HGS: variants seen among roughly 807,000 people sequenced by gnomAD.
HGS encodes the protein hepatocyte growth factor-regulated tyrosine kinase substrate.
A neutral mutation model predicts 109.7 loss-of-function variants in HGS; 63 were observed. The ratio of observed to expected loss-of-function variants is 0.57; its 90% CI spans 0.47 to 0.71. The LOEUF (loss-of-function observed/expected upper bound fraction) is 0.71, where lower values mean the gene tolerates loss of function less well. HGS is among the 30% of genes least tolerant of loss of function. The pLI is 0.00. For synonymous variants in HGS, 546 were observed against 437.3 expected, an observed-to-expected ratio of 1.25 and a Z score of -3.10; for missense variants, 995 against 1,068.3, an observed-to-expected ratio of 0.93 and a Z score of 0.96.
rs1417358154 is a variant in HGS, at chr17:81,696,529, G to T, written c.1566G>T (p.Gln522His). 6.5e-7 allele frequency: 1 copy of T among 1,531,654 alleles called. No individual in the cohort carries two copies. Among genetic ancestry groups the T allele is most frequent in the Non-Finnish European group, 8.8e-7 (1 of 1,137,084 alleles). The allele number at this position is 1,531,654 out of a possible 1,614,324, so 94.9% of individuals were successfully genotyped here. A position where few individuals can be genotyped will look rare whatever the true frequency, so the allele number is the denominator to read the frequency against. The change falls in exon 16 of 22, where the codon CAG becomes CAT. Residue 522 changes from glutamine to histidine, a missense_variant and splice_region_variant. Around this residue, in one of 6 missense-constraint regions of HGS, gnomAD observed 163 missense variants for 217.8 expected, o/e 0.75. Transcript: ENST00000329138. ...QKLEIMRQKK[Q>H]EYLEVQRQLA... ...TGGAGATAATGCGGCAGAAGAAGCA[G>T]GTGCAGTGGCTGCCCAGCCACAGGC...
Position 81,686,346 on chromosome 17 carries a change from G to A in HGS, c.157G>A (p.Val53Ile), listed in dbSNP as rs1445018227. ...TGCTGTGAATTCCATCAAGAAGAAA[G>A]TCAACGACAAGAACCCACACGTCGC... is the stretch of plus-strand genomic sequence containing the variant. The part of the protein sequence containing the change: ...KYAVNSIKKK[V>I]NDKNPHVALY... Residue 53 changes from valine (V) to isoleucine (I), a missense_variant, in exon 3 of 22, where the codon GTC (valine) becomes ATC (isoleucine). Physicochemically the swap from Val to Ile is conservative, Grantham distance 29. This residue lies in a region of HGS where 182 missense variants were observed against 261.3 expected (regional missense o/e 0.70). Coordinates refer to ENST00000329138, the MANE Select transcript of HGS (RefSeq NM_004712.5). The A allele has an allele frequency of 5.0e-6, 8 of 1,613,714 alleles. No individual in the cohort carries two copies. Among genetic ancestry groups the A allele is most frequent in the Non-Finnish European group, 6.8e-6 (8 of 1,179,992 alleles).
intron 4 of HGS, among the ~76,000 whole-genome samples, chr17:81,687,876 G>A (rs1157906934): frequency 2.0e-5 from 3 of 152,228 alleles, no homozygotes; most frequent in Non-Finnish European, 2.9e-5. Context: ...CCTCTCAAAG[G>A]CCCTCACTGG....
intron 18 of HGS, chr17:81,698,501 T>A (rs1051260727): frequency 6.6e-6 from 1 of 152,090 alleles, no homozygotes; most frequent in African/African-American, 2.4e-5. Flanking sequence ...GTAGGGCCAT[T>A]GGTTTGGGTT....
In HGS at chr17:81,691,045, G is replaced by A. The variant is rs1219093245; in HGVS notation, c.537+303G>A. 6.6e-6 allele frequency among the ~76,000 whole-genome samples: 1 copy of A among 152,168 alleles called. No homozygotes were observed. Among genetic ancestry groups the A allele is most frequent in the Non-Finnish European group, 1.5e-5 (1 of 68,028 alleles). On this transcript the variant is annotated intron_variant, in intron 7 of 21. Transcript: ENST00000329138. The surrounding 1 kb of genome is among the most constrained non-coding windows in gnomAD (Gnocchi z 5.3). Reference sequence around the variant, plus strand: ...AGGGCCGTGGGGCCCCCTTCTCTTTGTGGCTTAGCCCATCTGGATTCTTAC... The same window carrying A: ...AGGGCCGTGGGGCCCCCTTCTCTTTATGGCTTAGCCCATCTGGATTCTTAC...
Position 81,690,183 on chromosome 17 carries a change from G to C in HGS, c.417G>C (p.Gly139=). Residue 139 remains glycine (G), a splice_region_variant and synonymous_variant, in exon 6 of 22, where the codon GGG becomes GGC. Coordinates refer to ENST00000329138, the MANE Select transcript of HGS (RefSeq NM_004712.5). Reference sequence around the variant, plus strand: ...GTGACTATGGCTTCATCTCTCCAGGGCACGTCTTTCCAGAATTCAAAGAGA... The same window carrying C: ...GTGACTATGGCTTCATCTCTCCAGGCCACGTCTTTCCAGAATTCAAAGAGA... The part of the protein sequence containing the change: ...QDTYQIMKVE[G]HVFPEFKESD... 6.2e-7 allele frequency: 1 copy of C among 1,613,726 alleles called. No homozygotes were observed. Among genetic ancestry groups the C allele is most frequent in the Non-Finnish European group, 8.5e-7 (1 of 1,179,722 alleles).
intron 15 of HGS, 37 bp from the exon 16 acceptor site, chr17:81,696,319 GC>G: frequency 6.6e-7 from 1 of 1,507,606 alleles, no homozygotes; most frequent in Non-Finnish European, 8.8e-7. Context: ...TCGGCACTGT[GC>G]CGGAGTGGTC....
At chr17:81,700,368 A>G in intron 18 of HGS, 99 bp from the exon 19 acceptor site, 1 of 181,242 alleles carries the variant, frequency 5.5e-6, no homozygotes, top group Non-Finnish European at 9.8e-6. Flanking sequence ...ACTCCATCTC[A>G]AAAAAAAAAA....
intron 1 of HGS, 115 bp downstream of exon 1, chr17:81,684,218 C>A (rs1159248830): frequency 2.1e-6 from 2 of 968,742 alleles, no homozygotes; most frequent in Non-Finnish European, 2.8e-6. Context: ...CTGCCCGCCT[C>A]TCCCCGGCCC....
intron 5 of HGS, 33 bp downstream of exon 5, chr17:81,688,860 G>A (rs2037022698): frequency 6.2e-7 from 1 of 1,613,614 alleles, no homozygotes; most frequent in African/African-American, 1.3e-5. Context: ...ACCAGGTTGA[G>A]GCTTGGAACT....
At chr17:81,694,012 G>C in intron 11 of HGS, 47 bp downstream of exon 11, 1 of 1,510,052 alleles carries the variant, frequency 6.6e-7, no homozygotes, top group South Asian at 1.2e-5. Context: ...AGGCAGTAGG[G>C]TTGATGGGGG....
chr17:81,701,721 G>T lies in HGS; in HGVS notation c.*103G>T. On this transcript the variant is annotated 3_prime_UTR_variant, in exon 22 of 22. Coordinates refer to ENST00000329138, the MANE Select transcript of HGS (RefSeq NM_004712.5). ...GCCTCCCTGTCCTCTACTGCCGGTA[G>T]TGTCCCTTCTCTGCGAGTGAGGGGG... is the stretch of plus-strand genomic sequence containing the variant. 1.4e-6 allele frequency: 2 copies of T among 1,456,068 alleles called. No homozygotes were observed. The highest frequency in any genetic ancestry group is 2.8e-5 in the African/African-American group (2 of 71,344). 90.2% of individuals were successfully genotyped at this position (1,456,068 alleles called of 1,614,324 possible).
chr17:81,693,549 T>C lies in HGS; in HGVS notation c.709T>C (p.Tyr237His), dbSNP rs769179862. The C allele has an allele frequency of 1.1e-5, 18 of 1,611,480 alleles. No homozygotes were observed. The highest frequency in any genetic ancestry group is 1.6e-4 in the Middle Eastern group (1 of 6,062). ...ATSTTELPPEYLTSPLSQQSQ... is the reference protein window; with the variant it reads ...ATSTTELPPEHLTSPLSQQSQ... ...TTCCACCACTGAGCTGCCCCCCGAG[T>C]ACCTGACCAGCCCCCTGTCTCAGCA... The change falls in exon 9 of 22, where the codon TAC (tyrosine) becomes CAC (histidine). Residue 237 changes from tyrosine (Y) to histidine (H), a missense_variant. Tyr to His is a moderately conservative substitution (Grantham distance 83). Coordinates refer to ENST00000329138, the MANE Select transcript of HGS (RefSeq NM_004712.5).
At chr17:81,685,324 C>G (rs1007248766) in intron 1 of HGS, among the ~76,000 whole-genome samples, 1 of 152,188 alleles carries the variant, frequency 6.6e-6, no homozygotes, top group African/African-American at 2.4e-5. Flanking sequence ...TGACTCACGG[C>G]AGTGCCCTCG....
At position 81,686,267 on chromosome 17, in the gene HGS, T is replaced by C. The variant is rs374471960; in HGVS notation, c.123-45T>C. The stretch of plus-strand genomic sequence containing the variant: ...TTTCTCATCTTAGTTGCTGAGACTA[T>C]TTTTTTCCCGTTTTTCTCTGCTTTT... On this transcript the variant is annotated intron_variant, in intron 2 of 21. Transcript: ENST00000329138. 200 of 1,518,008 alleles carry C rather than the reference T, an allele frequency of 1.3e-4. 2 individuals carry two copies. In the South Asian group the frequency reaches 2.2e-3, roughly 16 times the overall value. 94.0% of individuals were successfully genotyped at this position (1,518,008 alleles called of 1,614,324 possible). A position where few individuals can be genotyped will look rare whatever the true frequency, so the allele number is the denominator to read the frequency against.
intron 5 of HGS, among the ~76,000 whole-genome samples, chr17:81,689,948 A>G (rs1051367311): frequency 2.0e-5 from 3 of 152,190 alleles, no homozygotes; most frequent in Non-Finnish European, 4.4e-5. Context: ...GAGTGGGAGC[A>G]GTGTCTCAGG....
chr17:81,690,390 C>A, intron 6 of HGS, 156 bp downstream of exon 6: 1 of 804,730 alleles, frequency 1.2e-6, no homozygotes, highest in African/African-American at 1.7e-5. Context: ...GGCGTAGCAG[C>A]TGTCTCTGCA....
rs1244260442 is a variant in HGS at position 81,694,711 on chromosome 17, C to CTGCG, written c.937-103_937-100dup. ...GGAGGGCACGGAGGGAGGGCCCAGG[C>CTGCG]TGCGGCTCTGGTCTCCAGGATCTGT... On this transcript the variant is annotated intron_variant, in intron 11 of 21. Transcript: ENST00000329138. The CTGCG allele has an allele frequency of 2.9e-6, 4 of 1,385,978 alleles. No individual in the cohort carries two copies. The African/African-American group carries it at 5.7e-5, about 20-fold the overall frequency. 85.9% of individuals were successfully genotyped at this position (1,385,978 alleles called of 1,614,324 possible). A position where few individuals can be genotyped will look rare whatever the true frequency, so the allele number is the denominator to read the frequency against.
chr17:81,690,628 C>G (rs772838615), intron 6 of HGS, 46 bp from the exon 7 acceptor site: 1 of 1,573,448 alleles, frequency 6.4e-7, no homozygotes. Flanking sequence ...GCCTCTGGGG[C>G]TGGTGGGGCG....
chr17:81,694,091 C>G, intron 11 of HGS, 126 bp downstream of exon 11: 1 of 755,980 alleles, frequency 1.3e-6, no homozygotes, highest in Non-Finnish European at 2.1e-6. Flanking sequence ...CCAGAGAGGA[C>G]AGCCCCAGCA....
Sources: allele counts gnomAD v4.1 joint callset (sites outside exome capture counted in the v4.1 genomes callset), GRCh38; gene constraint gnomAD v4.1.1; regional missense constraint gnomAD v4.1.1; non-coding constraint Gnocchi (gnomAD v3.1); transcripts MANE v1.5; gene names NCBI Gene and HGNC (gene_info 2026-07-23, HGNC 2026-07-21).